ATP8A2: variants seen among roughly 807,000 people sequenced by gnomAD.
ATP8A2 encodes ATPase phospholipid transporting 8A2.
In ATP8A2, 100 loss-of-function variants were observed where a neutral mutation model predicts 165.6. The observed-to-expected ratio is 0.60, with a 90% confidence interval of 0.51 to 0.71. The LOEUF (loss-of-function observed/expected upper bound fraction) is 0.71. Among genes scored for constraint, ATP8A2 ranks in the 30% least tolerant of loss-of-function variants. The pLI is 0.00. For missense variants in ATP8A2, 1,227 were observed against 1,479.5 expected (o/e 0.83, Z 2.80); for synonymous variants, 543 against 548.8 (o/e 0.99, Z 0.15).
At chr13:25,812,674 A>T (rs917717300) in intron 27 of ATP8A2, among the ~76,000 whole-genome samples, 29 of 151,640 alleles carry the variant, frequency 1.9e-4, no homozygotes, top group African/African-American at 3.9e-4. Context: ...ATAACAAGTG[A>T]TCAATAAAAT....
At chr13:25,703,469 C>T (rs114512726) in intron 25 of ATP8A2, among the ~76,000 whole-genome samples, 1 of 152,112 alleles carries the variant, frequency 6.6e-6, no homozygotes, top group Non-Finnish European at 1.5e-5. Context: ...GGTATACACC[C>T]AAAAGAATTA....
intron 26 of ATP8A2, among the ~76,000 whole-genome samples, chr13:25,772,573 C>G (rs2044646038): frequency 6.6e-6 from 1 of 152,054 alleles, no homozygotes; most frequent in African/African-American, 2.4e-5. Flanking sequence ...TTCCCCTCAC[C>G]TCCTGGAAGA....
At chr13:25,527,838 A>G (rs2037890701) in intron 2 of ATP8A2, among the ~76,000 whole-genome samples, 1 of 152,170 alleles carries the variant, frequency 6.6e-6, no homozygotes, top group South Asian at 2.1e-4. Context: ...AGCTGGGGTA[A>G]TGTGCCAACT....
intron 2 of ATP8A2, among the ~76,000 whole-genome samples, chr13:25,501,863 A>G (rs1229218842): frequency 6.6e-6 from 1 of 152,164 alleles, no homozygotes; most frequent in East Asian, 1.9e-4. Flanking sequence ...TCCAGAAAGG[A>G]GTAGGACTAG....
intron 33 of ATP8A2, among the ~76,000 whole-genome samples, chr13:25,917,692 G>T (rs1433207693): frequency 6.6e-6 from 1 of 152,180 alleles, no homozygotes. Flanking sequence ...GTAATTTCAA[G>T]ACCAATCACT....
chr13:25,492,711 T>C (rs1051071517), intron 2 of ATP8A2, among the ~76,000 whole-genome samples: 1 of 152,242 alleles, frequency 6.6e-6, no homozygotes, highest in African/African-American at 2.4e-5. Context: ...CCCTCAATTC[T>C]GAAATCCTGT....
At chr13:25,828,535 C>T (rs1046908418) in intron 28 of ATP8A2, among the ~76,000 whole-genome samples, 6 of 152,182 alleles carry the variant, frequency 3.9e-5, no homozygotes, top group Non-Finnish European at 8.8e-5. Context: ...TAAACTCATT[C>T]CGCTTCATTA....
intron 33 of ATP8A2, among the ~76,000 whole-genome samples, chr13:25,909,083 A>C (rs1192615805): frequency 6.6e-6 from 1 of 152,134 alleles, no homozygotes; most frequent in Non-Finnish European, 1.5e-5. Context: ...TCTTTATTTA[A>C]ACCTGATATC....
At chr13:25,805,346 A>AAAAAATGC (rs1365253127) in intron 27 of ATP8A2, among the ~76,000 whole-genome samples, 1 of 151,980 alleles carries the variant, frequency 6.6e-6, no homozygotes, top group African/African-American at 2.4e-5. Context: ...CTATCTCTAT[A>AAAAAATGC]AAAAATGCAA....
chr13:25,734,161 A>G (rs1328714867), intron 25 of ATP8A2, among the ~76,000 whole-genome samples: 1 of 152,218 alleles, frequency 6.6e-6, no homozygotes, highest in African/African-American at 2.4e-5. Flanking sequence ...ATTCGACTGA[A>G]TAAACTTCAG....
chr13:25,531,447 ATATATATGAT>A (rs71077482), intron 4 of ATP8A2, among the ~76,000 whole-genome samples: 41,904 of 98,660 alleles, frequency 0.42, 8,202 homozygotes, highest in African/African-American at 0.51. Context: ...ATATATGATT[ATATATATGAT>A]TATATATATG....
chr13:25,622,154 C>A (rs1300178903), intron 24 of ATP8A2, among the ~76,000 whole-genome samples: 1 of 147,094 alleles, frequency 6.8e-6, no homozygotes, highest in Admixed American at 7.0e-5. Flanking sequence ...TGCAGTGAGC[C>A]GAGATGGCAC....
intron 24 of ATP8A2, among the ~76,000 whole-genome samples, chr13:25,602,266 TAGTA>T (rs756615458): frequency 7.9e-5 from 12 of 152,114 alleles, no homozygotes; most frequent in Non-Finnish European, 1.8e-4. Flanking sequence ...TAGGGTTCTG[TAGTA>T]AGTGTTATTG....
intron 13 of ATP8A2, among the ~76,000 whole-genome samples, chr13:25,555,667 G>A (rs1430477907): frequency 2.0e-5 from 3 of 151,842 alleles, no homozygotes; most frequent in Non-Finnish European, 4.4e-5. Context: ...GGGTAAATGT[G>A]CAGGTCTGTT....
At chr13:25,472,255 G>A (rs751432796) in intron 2 of ATP8A2, among the ~76,000 whole-genome samples, 2 of 152,030 alleles carry the variant, frequency 1.3e-5, no homozygotes, top group Non-Finnish European at 1.5e-5. Flanking sequence ...TTAGCCGGGC[G>A]TGGTGGTGCT....
chr13:26,024,381 T>G lies in ATP8A2; in HGVS notation c.*4396T>G, dbSNP rs557064762. ...CATTCCCCTTCACCTTACCTGATCT[T>G]CATTTAATGCCCAGTCTGTAACTAA... On this transcript the variant is annotated 3_prime_UTR_variant, in exon 37 of 37. Transcript: ENST00000381655. 5 of 152,330 alleles carry G rather than the reference T, an allele frequency of 3.3e-5. No individual in the cohort carries two copies. The East Asian group carries it at 9.7e-4, about 29-fold the overall frequency. The allele number at this position is 152,330 out of a possible 1,614,324, so 9.4% of individuals were successfully genotyped here. A position where few individuals can be genotyped will look rare whatever the true frequency, so the allele number is the denominator to read the frequency against.
intron 1 of ATP8A2, among the ~76,000 whole-genome samples, chr13:25,457,426 A>G (rs2035393737): frequency 6.6e-6 from 1 of 152,224 alleles, no homozygotes; most frequent in African/African-American, 2.4e-5. Flanking sequence ...GATCATATTA[A>G]TGATTCTTAT....
intron 33 of ATP8A2, among the ~76,000 whole-genome samples, chr13:25,889,785 A>G (rs1342697989): frequency 6.7e-6 from 1 of 150,166 alleles, no homozygotes. Flanking sequence ...ATTCTCCTCC[A>G]TGGCCCATTC....
intron 1 of ATP8A2, among the ~76,000 whole-genome samples, chr13:25,402,470 A>G (rs985140006): frequency 1.3e-5 from 2 of 152,224 alleles, no homozygotes; most frequent in African/African-American, 4.8e-5. Flanking sequence ...TCCTTTAAAA[A>G]TAGCATCGTT....
Sources: allele counts gnomAD v4.1 joint callset (sites outside exome capture counted in the v4.1 genomes callset), GRCh38; gene constraint gnomAD v4.1.1; transcripts MANE v1.5; gene names NCBI Gene and HGNC (gene_info 2026-07-23, HGNC 2026-07-21).